PHACTR3: variants seen among roughly 807,000 people sequenced by gnomAD.
PHACTR3 encodes protein phosphatase 1, regulatory subunit 123.
A neutral mutation model predicts 66.8 loss-of-function variants in PHACTR3; 16 were observed. The ratio of observed to expected loss-of-function variants is 0.24; its 90% CI spans 0.16 to 0.36. The LOEUF is 0.36. PHACTR3 is among the 10% of genes least tolerant of loss of function. The probability of loss-of-function intolerance (pLI) is 1.00; values close to 1 mark genes in which losing one functional copy is unlikely to be tolerated. For synonymous variants in PHACTR3, 323 were observed against 292.1 expected (o/e 1.11, Z -1.08); for missense variants, 647 against 719.9 (o/e 0.90, Z 1.16).
At chr20:59,731,891 A>G (rs1182462) in intron 1 of PHACTR3, among the ~76,000 whole-genome samples, 1,565 of 152,306 alleles carry the variant, frequency 0.01, 20 homozygotes, top group Non-Finnish European at 0.015. Context: ...AAAGACTTTT[A>G]TAGTCCAAAA....
intron 7 of PHACTR3, among the ~76,000 whole-genome samples, chr20:59,790,364 C>T (rs773818230): frequency 6.6e-5 from 10 of 152,150 alleles, no homozygotes; most frequent in Non-Finnish European, 1.3e-4. Context: ...GGAGAAATAG[C>T]CAAAAGAGCT....
At chr20:59,779,492 C>T (rs1310901958) in intron 7 of PHACTR3, among the ~76,000 whole-genome samples, 7 of 152,170 alleles carry the variant, frequency 4.6e-5, no homozygotes, top group Non-Finnish European at 5.9e-5. Flanking sequence ...CCCACTGTCT[C>T]GCCTGATACA....
At chr20:59,618,523 G>A (rs2034116161) in intron 1 of PHACTR3, among the ~76,000 whole-genome samples, 1 of 152,222 alleles carries the variant, frequency 6.6e-6, no homozygotes, top group Non-Finnish European at 1.5e-5. Context: ...TTCAGAAAAG[G>A]GGCTGGGACT....
In PHACTR3 at chr20:59,847,173, C is replaced by T. The variant is rs1047997496; in HGVS notation, c.*43C>T. 7.1e-7 allele frequency: 1 copy of T among 1,406,548 alleles called. No homozygotes were observed. Among genetic ancestry groups the T allele is most frequent in the South Asian group, 1.2e-5 (1 of 82,116 alleles). The allele number at this position is 1,406,548 out of a possible 1,614,324, so 87.1% of individuals were successfully genotyped here. A position where few individuals can be genotyped will look rare whatever the true frequency, so the allele number is the denominator to read the frequency against. On this transcript the variant is annotated 3_prime_UTR_variant, in exon 13 of 13. Transcript: ENST00000371015. ...GAATTTGTGTTTAATTTTTTGATAC[C>T]AACACTGAACATTCATCAGGGAACT...
chr20:59,807,739 G>A lies in PHACTR3; in HGVS notation c.1328+1545G>A, dbSNP rs77187691. Among the ~76,000 whole-genome samples the A allele has an allele frequency of 7.4e-3, 1,124 of 152,244 alleles. 11 individuals are homozygous for A. The highest frequency in any genetic ancestry group is 0.025 in the African/African-American group (1,042 of 41,546). ...ACAGCAACAATGTCACGAGGCATAA[G>A]GAATTTTACAGCTCCATTTTCATCT... On this transcript the variant is annotated intron_variant, in intron 8 of 12. Transcript: ENST00000371015.
chr20:59,650,577 T>C (rs1004360837), intron 1 of PHACTR3, among the ~76,000 whole-genome samples: 1 of 151,862 alleles, frequency 6.6e-6, no homozygotes, highest in African/African-American at 2.4e-5. Flanking sequence ...CCTGCTGATG[T>C]TAGTGTAAAT....
chr20:59,834,725 G>A (rs76091375), intron 8 of PHACTR3, among the ~76,000 whole-genome samples: 2,059 of 152,206 alleles, frequency 0.014, 36 homozygotes, highest in African/African-American at 0.047. Flanking sequence ...GATTCTGAAT[G>A]TATCTGCCCC....
At chr20:59,653,659 T>G (rs969497539) in intron 1 of PHACTR3, among the ~76,000 whole-genome samples, 1 of 152,196 alleles carries the variant, frequency 6.6e-6, no homozygotes, top group African/African-American at 2.4e-5. Flanking sequence ...TAGGACTAAC[T>G]TGGAGAAAGC....
At position 59,635,142 on chromosome 20, in the gene PHACTR3, T is replaced by TC. The variant is rs1491187556; in HGVS notation, c.118+30011dup. On this transcript the variant is annotated intron_variant, in intron 1 of 12. Transcript: ENST00000371015. Reference sequence around the variant, plus strand: ...TTCTTTCTTTCTTTCTTTCTTTCTTTCTTTCTTTTTCTTTCTTTCTTTCTT... The same window carrying TC: ...TTCTTTCTTTCTTTCTTTCTTTCTTTCCTTTCTTTTTCTTTCTTTCTTTCTT... 1.4e-3 allele frequency among the ~76,000 whole-genome samples: 96 copies of TC among 66,448 alleles called. 1 individual carries two copies. In the East Asian group the frequency reaches 0.017, roughly 12 times the overall value. The allele number at this position is 66,448 out of a possible 152,430, so 43.6% of individuals were successfully genotyped here.
intron 9 of PHACTR3, among the ~76,000 whole-genome samples, chr20:59,839,619 T>C (rs1236666854): frequency 6.6e-6 from 1 of 152,098 alleles, no homozygotes. Flanking sequence ...GAAGCTTACG[T>C]TTTATACTAT....
intron 3 of PHACTR3, among the ~76,000 whole-genome samples, chr20:59,748,479 G>T (rs79073448): frequency 0.054 from 8,244 of 152,204 alleles, 343 homozygotes; most frequent in African/African-American, 0.12. Context: ...ATCTCAGTGG[G>T]GTCTACATAA....
In PHACTR3 at chr20:59,655,974, C is replaced by T. The variant is rs576135798; in HGVS notation, c.118+50842C>T. On this transcript the variant is annotated intron_variant, in intron 1 of 12. Coordinates refer to ENST00000371015, the MANE Select transcript of PHACTR3 (RefSeq NM_080672.5). ...TCCCCTAAGTTTCTTTCTGTTATTG[C>T]TTTCTAATTTCATTCCATTGTGGTC... Among the ~76,000 whole-genome samples, 51 of 151,870 alleles carry T rather than the reference C, an allele frequency of 3.4e-4. 1 individual carries two copies. In the South Asian group the frequency reaches 0.01, roughly 30 times the overall value.
chr20:59,811,853 C>T lies in PHACTR3; in HGVS notation c.1328+5659C>T, dbSNP rs148078330. On this transcript the variant is annotated intron_variant, in intron 8 of 12. Coordinates refer to ENST00000371015, the MANE Select transcript of PHACTR3 (RefSeq NM_080672.5). ...GCACCAGTGTCTCAGAATCTCTCTCCTTGTTTGTGAAATGGGGATGGTGGC... is the reference window on the plus strand; with the variant it reads ...GCACCAGTGTCTCAGAATCTCTCTCTTTGTTTGTGAAATGGGGATGGTGGC... 2.6e-4 allele frequency among the ~76,000 whole-genome samples: 40 copies of T among 152,322 alleles called. No individual in the cohort carries two copies. In the East Asian group the frequency reaches 6.8e-3, roughly 26 times the overall value.
At chr20:59,626,479 T>TG (rs2034451372) in intron 1 of PHACTR3, 4 of 152,362 alleles carry the variant, frequency 2.6e-5, no homozygotes, top group Admixed American at 2.6e-4. Flanking sequence ...GAGCTGGTCA[T>TG]GTGACTACCC....
chr20:59,713,852 G>T (rs988022289), intron 1 of PHACTR3, among the ~76,000 whole-genome samples: 2 of 151,642 alleles, frequency 1.3e-5, no homozygotes, highest in Non-Finnish European at 2.9e-5. Context: ...TTTGAACCAC[G>T]GTCAACTCCC....
chr20:59,839,874 TGAA>T (rs145003555), intron 9 of PHACTR3, among the ~76,000 whole-genome samples: 7 of 152,320 alleles, frequency 4.6e-5, no homozygotes, highest in East Asian at 3.9e-4. Context: ...GCCCAGGAGC[TGAA>T]GAAGGTGTTC....
intron 1 of PHACTR3, among the ~76,000 whole-genome samples, chr20:59,643,129 T>A: frequency 6.6e-6 from 1 of 152,164 alleles, no homozygotes; most frequent in Non-Finnish European, 1.5e-5. Context: ...GCCAGGATGG[T>A]CTCGATCTCA....
intron 1 of PHACTR3, among the ~76,000 whole-genome samples, chr20:59,624,859 A>G (rs1220544274): frequency 6.6e-6 from 1 of 152,198 alleles, no homozygotes; most frequent in Non-Finnish European, 1.5e-5. Flanking sequence ...CTTATAGTAG[A>G]TTTGTATCAC....
chr20:59,653,583 A>C (rs2035526643), intron 1 of PHACTR3, among the ~76,000 whole-genome samples: 1 of 152,228 alleles, frequency 6.6e-6, no homozygotes, highest in Admixed American at 6.5e-5. Flanking sequence ...GTAAATAAAA[A>C]GAATCATATA....
Sources: gnomAD v4.1 joint callset for allele counts (sites outside exome capture counted in the v4.1 genomes callset) on GRCh38, gnomAD v4.1.1 for gene constraint, MANE v1.5 for transcripts, NCBI Gene and HGNC (gene_info 2026-07-23, HGNC 2026-07-21) for gene names.